The following CARD14 variants were observed in gnomAD, a reference collection of about 807,000 sequenced individuals.
The protein encoded by CARD14 is caspase recruitment domain-containing protein 14.
In CARD14, 107 loss-of-function variants were observed where a neutral mutation model predicts 111.5. That is an observed-to-expected ratio of 0.96 (90% CI 0.82 to 1.13). The LOEUF is 1.13. Ranked by LOEUF, CARD14 falls within the 50% of genes most tolerant of loss-of-function variation. CARD14 has a pLI of 0.00. For synonymous variants in CARD14, 617 were observed against 579.6 expected, an observed-to-expected ratio of 1.06 and a Z score of -0.93; for missense variants, 1,322 against 1,362.3, an observed-to-expected ratio of 0.97 and a Z score of 0.47.
rs1598673588 is a variant in CARD14 at position 80,198,121 on chromosome 17, C to A, written c.1617C>A (p.Ser539Arg). ...DTADLPQLESSLQPVSPGRLD... is the reference protein window; with the variant it reads ...DTADLPQLESRLQPVSPGRLD... ...CAGACCTTCCGCAGCTGGAAAGCAG[C>A]CTGCAGCCAGTCTCCCCTGGAAGGC... Residue 539 changes from serine to arginine, a missense_variant, in exon 15 of 24, where the codon AGC (serine) becomes AGA (arginine). Coordinates refer to ENST00000648509, the MANE Select transcript of CARD14 (RefSeq NM_001366385.1). The surrounding 1 kb of genome is among the most constrained non-coding windows in gnomAD (Gnocchi z 7.5). The A allele has an allele frequency of 2.5e-6, 4 of 1,613,672 alleles. No individual in the cohort carries two copies. The highest frequency in any genetic ancestry group is 1.3e-5 in the African/African-American group (1 of 75,034).
intron 4 of CARD14, among the ~76,000 whole-genome samples, chr17:80,180,193 G>A (rs2040124656): frequency 6.6e-6 from 1 of 152,162 alleles, no homozygotes; most frequent in African/African-American, 2.4e-5. Flanking sequence ...ACCTCCAACA[G>A]CTCTTAGAGT....
chr17:80,170,910 G>A (rs902426509), intron 1 of CARD14, among the ~76,000 whole-genome samples: 3 of 146,854 alleles, frequency 2.0e-5, no homozygotes, highest in African/African-American at 5.0e-5. Flanking sequence ...GCACAATCTC[G>A]GCTCACTGCA....
In CARD14 at chr17:80,201,889, T is replaced by C; in HGVS notation, c.1978+19T>C. 6.3e-7 allele frequency: 1 copy of C among 1,596,942 alleles called. No homozygotes were observed. Among genetic ancestry groups the C allele is most frequent in the Non-Finnish European group, 8.5e-7 (1 of 1,169,750 alleles). ...ACGGACGGTACACATACCACTCCTC[T>C]CGTGTGCACAGCTGCCTGGCCAGAC... On this transcript the variant is annotated intron_variant, in intron 17 of 23. Coordinates refer to ENST00000648509, the MANE Select transcript of CARD14 (RefSeq NM_001366385.1). The surrounding 1 kb of genome is among the most constrained non-coding windows in gnomAD (Gnocchi z 5.0).
At chr17:80,190,632 G>T in intron 9 of CARD14, 142 bp from the exon 10 acceptor site, 5 of 792,860 alleles carry the variant, frequency 6.3e-6, no homozygotes, top group Non-Finnish European at 9.2e-6. Context: ...AAAAAAAAGA[G>T]AGAGAGAGAC....
At chr17:80,180,910 A>G (rs959693934) in intron 4 of CARD14, among the ~76,000 whole-genome samples, 4 of 152,064 alleles carry the variant, frequency 2.6e-5, no homozygotes, top group African/African-American at 9.7e-5. Flanking sequence ...TTGCAGGTGC[A>G]TACCACCATG....
Position 80,195,376 on chromosome 17 carries a change from G to A in CARD14, c.1499+43G>A, listed in dbSNP as rs1225630719. The A allele has an allele frequency of 5.7e-6, 9 of 1,580,716 alleles. No homozygotes were observed. The highest frequency in any genetic ancestry group is 2.3e-5 in the South Asian group (2 of 87,974). On this transcript the variant is annotated intron_variant, in intron 13 of 23. Coordinates refer to ENST00000648509, the MANE Select transcript of CARD14 (RefSeq NM_001366385.1). The surrounding 1 kb of genome is among the most constrained non-coding windows in gnomAD (Gnocchi z 4.7). ...TTCCTGGCACTGGGGTGGCACTGGGGTCCTTCCTGGCAACTCACCAGAGAC... is the reference window on the plus strand; with the variant it reads ...TTCCTGGCACTGGGGTGGCACTGGGATCCTTCCTGGCAACTCACCAGAGAC...
At chr17:80,174,766 C>T (rs2039985091) in intron 2 of CARD14, among the ~76,000 whole-genome samples, 1 of 152,144 alleles carries the variant, frequency 6.6e-6, no homozygotes, top group Non-Finnish European at 1.5e-5. Flanking sequence ...CCCACTCCTG[C>T]TGAGGACTCC....
rs1335877670 is a variant in CARD14 at position 80,189,613 on chromosome 17, T to C, written c.844-140T>C. On this transcript the variant is annotated intron_variant, in intron 8 of 23. Transcript: ENST00000648509. The surrounding 1 kb of genome is among the most constrained non-coding windows in gnomAD (Gnocchi z 4.7). Reference sequence around the variant, plus strand: ...ATGGGTGGCTTTTCCGTGGCTTCTCTCCTGCCCGGTGTAGAGTGGCAAGAC... The same window carrying C: ...ATGGGTGGCTTTTCCGTGGCTTCTCCCCTGCCCGGTGTAGAGTGGCAAGAC... The C allele has an allele frequency of 1.9e-5, 21 of 1,122,530 alleles. No homozygotes were observed. Among genetic ancestry groups the C allele is most frequent in the Admixed American group, 3.9e-5 (1 of 25,372 alleles). 69.5% of individuals were successfully genotyped at this position (1,122,530 alleles called of 1,614,324 possible).
chr17:80,189,110 T>A lies in CARD14; in HGVS notation c.843+566T>A, dbSNP rs1002010755. On this transcript the variant is annotated intron_variant, in intron 8 of 23. Coordinates refer to ENST00000648509, the MANE Select transcript of CARD14 (RefSeq NM_001366385.1). The surrounding 1 kb of genome is among the most constrained non-coding windows in gnomAD (Gnocchi z 4.7). ...ACAATGCCCGACTTGGTGGGTTTAC[T>A]GCAGCGACTGTGTTCTGGAGTGGAC... Among the ~76,000 whole-genome samples, 5 of 152,214 alleles carry A rather than the reference T, an allele frequency of 3.3e-5. No individual in the cohort carries two copies. Among genetic ancestry groups the A allele is most frequent in the African/African-American group, 7.2e-5 (3 of 41,458 alleles).
chr17:80,201,978 AAG>A lies in CARD14; in HGVS notation c.1978+113_1978+114del. 2 of 1,428,426 alleles carry A rather than the reference AAG, an allele frequency of 1.4e-6. No homozygotes were observed. Among genetic ancestry groups the A allele is most frequent in the Non-Finnish European group, 1.9e-6 (2 of 1,057,046 alleles). The allele number at this position is 1,428,426 out of a possible 1,614,324, so 88.5% of individuals were successfully genotyped here. ...CCAGCAGCCAGGGACCCCCAGAGCC[AAG>A]AGAGGATCAGCCAGGCTGTGCCCCA... On this transcript the variant is annotated intron_variant, in intron 17 of 23. Coordinates refer to ENST00000648509, the MANE Select transcript of CARD14 (RefSeq NM_001366385.1). The surrounding 1 kb of genome is among the most constrained non-coding windows in gnomAD (Gnocchi z 5.0).
chr17:80,184,300 T>G, intron 7 of CARD14, 62 bp downstream of exon 7: 5 of 1,319,260 alleles, frequency 3.8e-6, no homozygotes, highest in Non-Finnish European at 5.0e-6. Flanking sequence ...GCCTTTGTAC[T>G]AGCTGGTCCA....
At chr17:80,204,370 C>A (rs375757170) in intron 20 of CARD14, 29 bp downstream of exon 20, 4 of 1,524,318 alleles carry the variant, frequency 2.6e-6, no homozygotes, top group Non-Finnish European at 3.5e-6. Context: ...GCACAGGGGC[C>A]ACTGGCTCCA....
At position 80,201,143 on chromosome 17, in the gene CARD14, G is replaced by A. The variant is rs919627369; in HGVS notation, c.1852-601G>A. The A allele has an allele frequency of 1.3e-5, 2 of 153,630 alleles. No individual in the cohort carries two copies. Among genetic ancestry groups the A allele is most frequent in the African/African-American group, 4.8e-5 (2 of 41,444 alleles). The allele number at this position is 153,630 out of a possible 1,614,324, so 9.5% of individuals were successfully genotyped here. A position where few individuals can be genotyped will look rare whatever the true frequency, so the allele number is the denominator to read the frequency against. Reference sequence around the variant, plus strand: ...AGGGAGATAGTCCCGATATCCTAAGGGGGCCAATTAGATTCTAATGGTGTT... The same window carrying A: ...AGGGAGATAGTCCCGATATCCTAAGAGGGCCAATTAGATTCTAATGGTGTT... On this transcript the variant is annotated intron_variant, in intron 16 of 23. Coordinates refer to ENST00000648509, the MANE Select transcript of CARD14 (RefSeq NM_001366385.1). The surrounding 1 kb of genome is among the most constrained non-coding windows in gnomAD (Gnocchi z 5.0).
chr17:80,177,468 G>A (rs1463426442), intron 2 of CARD14, among the ~76,000 whole-genome samples: 2 of 152,104 alleles, frequency 1.3e-5, no homozygotes, highest in African/African-American at 4.8e-5. Context: ...GGCCGAGGCA[G>A]GCGGATCACT....
intron 4 of CARD14, 130 bp from the exon 5 acceptor site, chr17:80,181,289 T>C (rs2040164946): frequency 1.5e-6 from 1 of 681,544 alleles, no homozygotes; most frequent in East Asian, 2.7e-5. Context: ...ATCTCAAGAC[T>C]GTGGGTTCTG....
chr17:80,195,495 G>A lies in CARD14; in HGVS notation c.1500-63G>A. Reference sequence around the variant, plus strand: ...GCAGGTGCTGGGGGCCAGTGCTTGGGGCGTGGGGACTCAGAGGGAGCAGGT... The same window carrying A: ...GCAGGTGCTGGGGGCCAGTGCTTGGAGCGTGGGGACTCAGAGGGAGCAGGT... On this transcript the variant is annotated intron_variant, in intron 13 of 23. Transcript: ENST00000648509. This position sits in a 1 kb window ranked among gnomAD's most constrained non-coding sequence, Gnocchi z 4.7. 6.5e-7 allele frequency: 1 copy of A among 1,540,724 alleles called. No individual in the cohort carries two copies. The highest frequency in any genetic ancestry group is 8.8e-7 in the Non-Finnish European group (1 of 1,137,376).
intron 17 of CARD14, 27 bp from the exon 18 acceptor site, chr17:80,202,153 T>C (rs771200558): frequency 1.3e-6 from 2 of 1,587,460 alleles, no homozygotes; most frequent in Non-Finnish European, 1.7e-6. Context: ...CTGTGGCTCA[T>C]CTGTGGCTCA....
chr17:80,198,622 G>C lies in CARD14; in HGVS notation c.1851+31G>C, dbSNP rs756197625. 2 of 1,610,234 alleles carry C rather than the reference G, an allele frequency of 1.2e-6. No individual in the cohort carries two copies. Among genetic ancestry groups the C allele is most frequent in the Admixed American group, 1.7e-5 (1 of 59,960 alleles). On this transcript the variant is annotated intron_variant, in intron 16 of 23. Coordinates refer to ENST00000648509, the MANE Select transcript of CARD14 (RefSeq NM_001366385.1). The surrounding 1 kb of genome is among the most constrained non-coding windows in gnomAD (Gnocchi z 7.5). ...CCGTGCGAGGCCCCTCCTGTCCCCCGGGCTCCTCATGGGGACAGTGGCAGC... is the reference window on the plus strand; with the variant it reads ...CCGTGCGAGGCCCCTCCTGTCCCCCCGGCTCCTCATGGGGACAGTGGCAGC...
At chr17:80,180,265 C>T (rs1020647447) in intron 4 of CARD14, among the ~76,000 whole-genome samples, 2 of 152,154 alleles carry the variant, frequency 1.3e-5, no homozygotes, top group East Asian at 3.9e-4. Flanking sequence ...CGACCTGCTT[C>T]GTGTATTCTG....
Sources: allele counts gnomAD v4.1 joint callset (sites outside exome capture counted in the v4.1 genomes callset), GRCh38; gene constraint gnomAD v4.1.1; non-coding constraint Gnocchi (gnomAD v3.1); transcripts MANE v1.5; gene names NCBI Gene and HGNC (gene_info 2026-07-23, HGNC 2026-07-21).